The following PTCHD4 variants were observed in gnomAD, a reference collection of about 807,000 sequenced individuals.
PTCHD4 encodes patched domain containing 4.
Under a neutral mutation model 58.1 loss-of-function variants are expected in PTCHD4, and 33 were observed. The observed-to-expected ratio is 0.57, with a 90% CI of 0.43 to 0.76. The LOEUF is 0.76. PTCHD4 is among the 30% of genes least tolerant of loss of function. PTCHD4 has a pLI of 0.00. For synonymous variants in PTCHD4, 478 were observed against 409.6 expected (o/e 1.17, Z -2.02); for missense variants, 1,058 against 1,027.1 (o/e 1.03, Z -0.41).
At chr6:47,995,859 C>A (rs910737493) in intron 4 of PTCHD4, among the ~76,000 whole-genome samples, 1 of 152,160 alleles carries the variant, frequency 6.6e-6, no homozygotes, top group East Asian at 1.9e-4. Flanking sequence ...TGCAGCCACC[C>A]ATGCTATGAA....
At chr6:47,887,115 T>C (rs1764217863) in intron 4 of PTCHD4, among the ~76,000 whole-genome samples, 1 of 151,984 alleles carries the variant, frequency 6.6e-6, no homozygotes, top group Non-Finnish European at 1.5e-5. Flanking sequence ...CATGTAGAAA[T>C]TTTAAAGATA....
intron 4 of PTCHD4, among the ~76,000 whole-genome samples, chr6:48,004,903 C>T (rs868811779): frequency 1.8e-4 from 28 of 151,746 alleles, no homozygotes; most frequent in African/African-American, 6.1e-4. Flanking sequence ...GGTGACAGAG[C>T]GAGACTTCAT....
chr6:48,023,879 G>A (rs1301739999), intron 3 of PTCHD4, among the ~76,000 whole-genome samples: 1 of 152,090 alleles, frequency 6.6e-6, no homozygotes, highest in Admixed American at 6.6e-5. Context: ...CATGCTAGGG[G>A]TCATATGACC....
At chr6:48,017,549 C>G (rs1221022990) in intron 3 of PTCHD4, among the ~76,000 whole-genome samples, 3 of 152,196 alleles carry the variant, frequency 2.0e-5, no homozygotes, top group African/African-American at 7.2e-5. Context: ...TATCAATTAA[C>G]TGGGACTTGG....
At chr6:48,039,570 A>G (rs1324946169) in intron 3 of PTCHD4, among the ~76,000 whole-genome samples, 1 of 152,112 alleles carries the variant, frequency 6.6e-6, no homozygotes, top group East Asian at 1.9e-4. Context: ...CCTTTAAACT[A>G]TACCTATTTC....
chr6:47,934,742 A>T (rs566249785), intron 4 of PTCHD4, among the ~76,000 whole-genome samples: 1 of 152,264 alleles, frequency 6.6e-6, no homozygotes, highest in East Asian at 1.9e-4. Context: ...TTATGTATTT[A>T]CTCACTTCCT....
At chr6:47,982,444 C>T (rs1425880605) in intron 4 of PTCHD4, among the ~76,000 whole-genome samples, 4 of 149,664 alleles carry the variant, frequency 2.7e-5, no homozygotes, top group Admixed American at 2.7e-4. Context: ...TTAACCTCAA[C>T]AAATGAAGGT....
chr6:47,946,153 A>C (rs1047330813), intron 4 of PTCHD4, among the ~76,000 whole-genome samples: 1 of 152,172 alleles, frequency 6.6e-6, no homozygotes, highest in East Asian at 1.9e-4. Flanking sequence ...TCAATGTTTC[A>C]TTTGAGCTTA....
chr6:47,931,074 C>T lies in PTCHD4; in HGVS notation c.899-51138G>A, dbSNP rs553394763. 2.4e-4 allele frequency among the ~76,000 whole-genome samples: 36 copies of T among 152,326 alleles called. No homozygotes were observed. The East Asian group carries it at 4.6e-3, about 20-fold the overall frequency. The stretch of plus-strand genomic sequence containing the variant: ...TGCTGGGATTACAGGCGTGAGCCAC[C>T]GCACCCGGCCGAGCATTGTGTTTTA... On this transcript the variant is annotated intron_variant, in intron 4 of 4. Transcript: ENST00000339488.
chr6:47,895,661 G>A (rs1254025656), intron 4 of PTCHD4, among the ~76,000 whole-genome samples: 1 of 152,070 alleles, frequency 6.6e-6, no homozygotes, highest in Non-Finnish European at 1.5e-5. Context: ...CCTTCCACGT[G>A]CCCAACAAGT....
In PTCHD4 at chr6:47,873,609, T is replaced by C. The variant is rs1027972150; in HGVS notation, c.*4694A>G. Among the ~76,000 whole-genome samples the C allele has an allele frequency of 6.6e-6, 1 of 151,720 alleles. No homozygotes were observed. The highest frequency in any genetic ancestry group is 2.4e-5 in the African/African-American group (1 of 41,386). ...GCTGCTTTCATTTGGGTCAATATCA[T>C]TGTAGTTATTTTGTAGACAAAGTAG... On this transcript the variant is annotated 3_prime_UTR_variant, in exon 5 of 5. Coordinates refer to ENST00000339488, the MANE Select transcript of PTCHD4 (RefSeq NM_001384253.1).
At position 48,068,572 on chromosome 6, in the gene PTCHD4, C is replaced by T. The variant is rs760795404; in HGVS notation, c.75G>A (p.Gln25=). ...MLRQVLRRGL[Q]SFCHRLGLCV... is the part of the protein sequence containing the mutation. ...ACAAACCCAGCCTGTGGCAGAACGA[C>T]TGGAGCCCTCTGCGAAGCACCTGCC... The change falls in exon 3 of 5, where the codon CAG becomes CAA. Residue 25 remains glutamine, a synonymous_variant. Transcript: ENST00000339488. This position sits in a 1 kb window ranked among gnomAD's most constrained non-coding sequence, Gnocchi z 4.2. The T allele has an allele frequency of 6.4e-7, 1 of 1,574,046 alleles. No individual in the cohort carries two copies. Among genetic ancestry groups the T allele is most frequent in the Non-Finnish European group, 8.6e-7 (1 of 1,165,020 alleles).
chr6:47,938,826 C>G (rs1165885717), intron 4 of PTCHD4, among the ~76,000 whole-genome samples: 1 of 151,924 alleles, frequency 6.6e-6, no homozygotes, highest in African/African-American at 2.4e-5. Flanking sequence ...AGAATCTTTC[C>G]AAGGGAGTGA....
chr6:47,959,757 T>G (rs1304391909), intron 4 of PTCHD4, among the ~76,000 whole-genome samples: 1 of 151,780 alleles, frequency 6.6e-6, no homozygotes, highest in East Asian at 1.9e-4. Context: ...TGGAACAACC[T>G]CTTTAAAATA....
chr6:48,041,339 C>A (rs1291156466), intron 3 of PTCHD4, among the ~76,000 whole-genome samples: 1 of 152,050 alleles, frequency 6.6e-6, no homozygotes, highest in Non-Finnish European at 1.5e-5. Flanking sequence ...AATAACCCAA[C>A]TTCAAACACT....
chr6:47,970,469 C>A (rs1015160974), intron 4 of PTCHD4, among the ~76,000 whole-genome samples: 1 of 152,056 alleles, frequency 6.6e-6, no homozygotes, highest in African/African-American at 2.4e-5. Context: ...AGCTGGATCT[C>A]AGGAGGTAAG....
At position 48,068,245 on chromosome 6, in the gene PTCHD4, G is replaced by A; in HGVS notation, c.402C>T (p.Ala134=). The A allele has an allele frequency of 6.4e-7, 1 of 1,573,538 alleles. No individual in the cohort carries two copies. Among genetic ancestry groups the A allele is most frequent in the South Asian group, 1.2e-5 (1 of 86,254 alleles). The change falls in exon 3 of 5, where the codon GCC becomes GCT. Residue 134 remains alanine (A), a synonymous_variant. Coordinates refer to ENST00000339488, the MANE Select transcript of PTCHD4 (RefSeq NM_001384253.1). The surrounding 1 kb of genome is among the most constrained non-coding windows in gnomAD (Gnocchi z 4.2). ...QAEGILQTHR[A]VLEMKDGRNS... is the part of the protein sequence containing the mutation. Reference sequence around the variant, plus strand: ...TGTGGTTCACCTTCATTTCCAGCACGGCTCGGTGGGTCTGCAGGATCCCCT... The same window carrying A: ...TGTGGTTCACCTTCATTTCCAGCACAGCTCGGTGGGTCTGCAGGATCCCCT...
chr6:47,956,574 C>T (rs1254739026), intron 4 of PTCHD4, among the ~76,000 whole-genome samples: 1 of 152,124 alleles, frequency 6.6e-6, no homozygotes, highest in East Asian at 2.0e-4. Flanking sequence ...GCTGGGACTA[C>T]AGGCGCCCAC....
chr6:47,963,716 A>G (rs1167644570), intron 4 of PTCHD4, among the ~76,000 whole-genome samples: 1 of 152,212 alleles, frequency 6.6e-6, no homozygotes, highest in Non-Finnish European at 1.5e-5. Context: ...CATTATCTAA[A>G]TGAAATAAAC....
Sources: allele counts gnomAD v4.1 joint callset (sites outside exome capture counted in the v4.1 genomes callset), GRCh38; gene constraint gnomAD v4.1.1; non-coding constraint Gnocchi (gnomAD v3.1); transcripts MANE v1.5; gene names NCBI Gene and HGNC (gene_info 2026-07-23, HGNC 2026-07-21).